PSD3: variants seen among roughly 807,000 people sequenced by gnomAD.
PSD3 encodes PH and SEC7 domain-containing protein 3.
PSD3 carries 49 observed loss-of-function variants against 105.5 expected under a neutral mutation model. That is an observed-to-expected ratio of 0.46 (90% CI 0.37 to 0.59). The LOEUF (loss-of-function observed/expected upper bound fraction) is 0.59. Ranked by LOEUF, PSD3 falls within the 20% of genes least tolerant of loss-of-function variation. PSD3 has a pLI of 0.00. For missense variants in PSD3, 1,561 were observed against 1,263.8 expected (o/e 1.24, Z -3.57); for synonymous variants, 557 against 457.8 (o/e 1.22, Z -2.77).
At chr8:18,919,727 A>G (rs1352003722) in intron 2 of PSD3, among the ~76,000 whole-genome samples, 5 of 151,898 alleles carry the variant, frequency 3.3e-5, no homozygotes, top group South Asian at 4.2e-4. Context: ...GGAAATCATC[A>G]TTCTCAGTAA....
chr8:18,922,750 T>C (rs1031235457), intron 2 of PSD3, among the ~76,000 whole-genome samples: 1 of 152,174 alleles, frequency 6.6e-6, no homozygotes, highest in Non-Finnish European at 1.5e-5. Context: ...CTCCTTGGGT[T>C]CGATTAATCT....
At chr8:18,797,408 A>G (rs1224482142) in intron 8 of PSD3, among the ~76,000 whole-genome samples, 1 of 152,176 alleles carries the variant, frequency 6.6e-6, no homozygotes, top group African/African-American at 2.4e-5. Context: ...TAATTTATGT[A>G]AACTCTTTTC....
At chr8:18,586,173 C>A (rs1379479387) in intron 12 of PSD3, among the ~76,000 whole-genome samples, 1 of 152,134 alleles carries the variant, frequency 6.6e-6, no homozygotes, top group African/African-American at 2.4e-5. Context: ...AATGCTTCAA[C>A]TTCCTGTAGG....
chr8:18,840,096 G>T (rs1203324866), intron 4 of PSD3, among the ~76,000 whole-genome samples: 1 of 152,158 alleles, frequency 6.6e-6, no homozygotes, highest in African/African-American at 2.4e-5. Flanking sequence ...TGATCCTGTT[G>T]TTCTCTAGGT....
At chr8:18,600,307 G>A (rs1007831632) in intron 12 of PSD3, 57 bp downstream of exon 12, 1 of 1,424,914 alleles carries the variant, frequency 7.0e-7, no homozygotes, top group East Asian at 2.3e-5. Flanking sequence ...ACATATACTG[G>A]ACCTCATGTA....
At chr8:18,905,597 T>C (rs111865867) in intron 2 of PSD3, among the ~76,000 whole-genome samples, 9,261 of 152,232 alleles carry the variant, frequency 0.061, 302 homozygotes, top group Admixed American at 0.084. Context: ...GCTGGGATTA[T>C]AGGCGTGAGC....
At chr8:19,062,022 G>A (rs749805298) in intron 1 of PSD3, among the ~76,000 whole-genome samples, 5 of 152,044 alleles carry the variant, frequency 3.3e-5, no homozygotes, top group South Asian at 2.1e-4. Flanking sequence ...TCCTCCAAGC[G>A]CCTTCCCAAT....
intron 1 of PSD3, among the ~76,000 whole-genome samples, chr8:19,034,294 A>G (rs1386729324): frequency 6.6e-6 from 1 of 152,210 alleles, no homozygotes; most frequent in East Asian, 1.9e-4. Context: ...CAAGAATACA[A>G]TATAGAAAAG....
intron 2 of PSD3, among the ~76,000 whole-genome samples, chr8:18,922,570 T>C (rs574462730): frequency 1.3e-5 from 2 of 152,186 alleles, no homozygotes; most frequent in Admixed American, 6.5e-5. Context: ...CACCTGGGTG[T>C]CCTGTAATTC....
At chr8:19,062,242 G>T (rs544658109) in intron 1 of PSD3, among the ~76,000 whole-genome samples, 8 of 152,328 alleles carry the variant, frequency 5.3e-5, no homozygotes, top group African/African-American at 1.9e-4. Context: ...TAGCAGAAGC[G>T]GCGGGGTCTC....
At chr8:18,613,240 C>T (rs372945702) in intron 11 of PSD3, among the ~76,000 whole-genome samples, 2 of 152,102 alleles carry the variant, frequency 1.3e-5, no homozygotes, top group African/African-American at 4.8e-5. Context: ...GACTGCCGGT[C>T]CGGATGAAGC....
At chr8:18,980,384 T>C (rs1405867311) in intron 1 of PSD3, among the ~76,000 whole-genome samples, 1 of 152,206 alleles carries the variant, frequency 6.6e-6, no homozygotes, top group East Asian at 1.9e-4. Flanking sequence ...CCTCTTGTCA[T>C]TTCTCATCTC....
At chr8:18,737,696 G>C (rs951702484) in intron 9 of PSD3, among the ~76,000 whole-genome samples, 2 of 152,148 alleles carry the variant, frequency 1.3e-5, no homozygotes, top group African/African-American at 2.4e-5. Flanking sequence ...TTTCGGAGGG[G>C]AAAGTATATA....
At chr8:18,718,466 T>C (rs1204336950) in intron 9 of PSD3, among the ~76,000 whole-genome samples, 2 of 152,228 alleles carry the variant, frequency 1.3e-5, no homozygotes, top group Non-Finnish European at 2.9e-5. Context: ...TTTAGCTTCA[T>C]AGACAGATAT....
At chr8:18,785,625 T>G (rs1809069422) in intron 8 of PSD3, among the ~76,000 whole-genome samples, 1 of 152,226 alleles carries the variant, frequency 6.6e-6, no homozygotes, top group Non-Finnish European at 1.5e-5. Context: ...TCAAGAACTT[T>G]TCCTTTACAT....
At chr8:18,672,173 G>A (rs1799822281) in intron 9 of PSD3, among the ~76,000 whole-genome samples, 1 of 151,940 alleles carries the variant, frequency 6.6e-6, no homozygotes, top group Admixed American at 6.6e-5. Flanking sequence ...TGAGAACATA[G>A]GAAAACATAA....
At chr8:18,927,979 G>A (rs137898286) in intron 2 of PSD3, among the ~76,000 whole-genome samples, 10 of 152,092 alleles carry the variant, frequency 6.6e-5, no homozygotes, top group South Asian at 2.1e-4. Context: ...CATTCAACTC[G>A]GCAATTCTAC....
chr8:18,885,722 A>G (rs183190593), intron 2 of PSD3, among the ~76,000 whole-genome samples: 3,608 of 151,514 alleles, frequency 0.024, 77 homozygotes, highest in Non-Finnish European at 0.04. Flanking sequence ...ACAATCTGAC[A>G]TAAACAATTG....
intron 1 of PSD3, among the ~76,000 whole-genome samples, chr8:19,047,137 C>A (rs1828348262): frequency 6.6e-6 from 1 of 152,206 alleles, no homozygotes; most frequent in Non-Finnish European, 1.5e-5. Flanking sequence ...GAAGCAGAAA[C>A]TAAACTAGGT....
Sources: gnomAD v4.1 joint callset for allele counts (sites outside exome capture counted in the v4.1 genomes callset) on GRCh38, gnomAD v4.1.1 for gene constraint, MANE v1.5 for transcripts, NCBI Gene and HGNC (gene_info 2026-07-23, HGNC 2026-07-21) for gene names.